Variants in AFF3 observed in about 807,000 individuals in gnomAD.
AFF3 encodes the protein AF4/FMR2 family member 3.
In AFF3, 32 loss-of-function variants were observed where a neutral mutation model predicts 129.7. That is an observed-to-expected ratio of 0.25 (90% confidence interval 0.19 to 0.33). AFF3 has a LOEUF of 0.33. Among genes scored for constraint, AFF3 ranks in the 10% least tolerant of loss-of-function variants. The pLI is 1.00. For synonymous variants in AFF3, 644 were observed against 635.4 expected, an observed-to-expected ratio of 1.01 and a Z score of -0.20; for missense variants, 1,373 against 1,592.0, an observed-to-expected ratio of 0.86 and a Z score of 2.34.
At chr2:99,767,816 G>A (rs1683149079) in intron 8 of AFF3, among the ~76,000 whole-genome samples, 1 of 152,280 alleles carries the variant, frequency 6.6e-6, no homozygotes, top group African/African-American at 2.4e-5. Flanking sequence ...GCGGTGGCAG[G>A]CACCTGTAGT....
chr2:99,982,429 G>A (rs10172723), intron 7 of AFF3, among the ~76,000 whole-genome samples: 7,895 of 152,226 alleles, frequency 0.052, 687 homozygotes, highest in African/African-American at 0.18. Flanking sequence ...CCAGCCATGC[G>A]GACCTGTAAG....
At chr2:99,896,716 A>T in intron 7 of AFF3, among the ~76,000 whole-genome samples, 1 of 120,064 alleles carries the variant, frequency 8.3e-6, no homozygotes, top group African/African-American at 3.3e-5. Context: ...GCTCACTGTG[A>T]CCTCCACCTC....
intron 7 of AFF3, among the ~76,000 whole-genome samples, chr2:99,858,988 C>T (rs1053362744): frequency 6.6e-6 from 1 of 152,194 alleles, no homozygotes; most frequent in Admixed American, 6.5e-5. Flanking sequence ...GATACACCTG[C>T]TTTATAAACA....
intron 8 of AFF3, among the ~76,000 whole-genome samples, chr2:99,769,617 CT>C (rs1249293538): frequency 6.6e-6 from 1 of 152,152 alleles, no homozygotes; most frequent in Non-Finnish European, 1.5e-5. Context: ...GCAGTCTGGG[CT>C]TGTTTGTAGC....
chr2:99,948,861 T>C (rs1675889054), intron 7 of AFF3, among the ~76,000 whole-genome samples: 2 of 152,156 alleles, frequency 1.3e-5, no homozygotes, highest in Non-Finnish European at 2.9e-5. Context: ...ATTACAGCAA[T>C]ATGAATACTG....
At chr2:99,733,008 T>C (rs899767725) in intron 10 of AFF3, among the ~76,000 whole-genome samples, 1 of 152,224 alleles carries the variant, frequency 6.6e-6, no homozygotes, top group African/African-American at 2.4e-5. Context: ...TAATTTCTTA[T>C]TCATAGAAAC....
At chr2:99,800,309 T>C (rs1685845955) in intron 8 of AFF3, among the ~76,000 whole-genome samples, 1 of 152,156 alleles carries the variant, frequency 6.6e-6, no homozygotes, top group Non-Finnish European at 1.5e-5. Flanking sequence ...AAAATAAGTG[T>C]ATGAAAAGAT....
intron 8 of AFF3, among the ~76,000 whole-genome samples, chr2:99,768,005 A>C (rs1345961116): frequency 6.6e-6 from 1 of 152,220 alleles, no homozygotes; most frequent in African/African-American, 2.4e-5. Flanking sequence ...AGCCACATGC[A>C]GGGCTCAGGG....
At chr2:100,012,447 G>C (rs939965223) in intron 4 of AFF3, among the ~76,000 whole-genome samples, 17 of 152,278 alleles carry the variant, frequency 1.1e-4, no homozygotes, top group Non-Finnish European at 2.4e-4. Context: ...TAAAGCAGAT[G>C]TCACTGTAAG....
At chr2:99,650,648 T>C (rs938657731) in intron 12 of AFF3, among the ~76,000 whole-genome samples, 12 of 152,038 alleles carry the variant, frequency 7.9e-5, no homozygotes, top group African/African-American at 2.7e-4. Flanking sequence ...AAGATGGCCT[T>C]GGGCTGAGAA....
At chr2:99,695,232 G>C (rs1023428420) in intron 11 of AFF3, among the ~76,000 whole-genome samples, 1 of 152,114 alleles carries the variant, frequency 6.6e-6, no homozygotes, top group Non-Finnish European at 1.5e-5. Context: ...TGACAGCCGC[G>C]TGTGCCTGGT....
At chr2:99,728,370 G>T (rs796201030) in intron 10 of AFF3, among the ~76,000 whole-genome samples, 13 of 152,280 alleles carry the variant, frequency 8.5e-5, no homozygotes, top group African/African-American at 2.9e-4. Flanking sequence ...CAGGCCTGGA[G>T]ATCTCTAGAA....
At chr2:100,104,860 C>T (rs1398158628) in intron 3 of AFF3, 1 of 468,392 alleles carries the variant, frequency 2.1e-6, no homozygotes, top group African/African-American at 2.2e-5. Flanking sequence ...TCTTTCTCCT[C>T]CGGGAGGCGC....
intron 11 of AFF3, among the ~76,000 whole-genome samples, chr2:99,700,491 T>A (rs1351571717): frequency 1.3e-5 from 2 of 152,230 alleles, no homozygotes; most frequent in Non-Finnish European, 2.9e-5. Flanking sequence ...TTATTTGAGG[T>A]AAAGGCTTTC....
At chr2:99,957,464 G>C (rs577545258) in intron 7 of AFF3, among the ~76,000 whole-genome samples, 25 of 152,238 alleles carry the variant, frequency 1.6e-4, no homozygotes, top group Admixed American at 9.2e-4. Flanking sequence ...GCTGTGGAAG[G>C]GGGAGAAAAC....
At position 99,601,413 on chromosome 2, in the gene AFF3, G is replaced by C. The variant is rs539774741; in HGVS notation, c.1371+22C>G. On this transcript the variant is annotated intron_variant, in intron 14 of 24. Transcript: ENST00000672756. Reference sequence around the variant, plus strand: ...AGAGACAGAAGTGGGCAGAGGAGAGGCCTGAGCCAGGCAGCGCTTACCTCG... The same window carrying C: ...AGAGACAGAAGTGGGCAGAGGAGAGCCCTGAGCCAGGCAGCGCTTACCTCG... 5.1e-6 allele frequency: 8 copies of C among 1,577,544 alleles called. No homozygotes were observed. The African/African-American group carries it at 8.0e-5, about 16-fold the overall frequency.
chr2:100,063,873 T>C (rs1355646030), intron 4 of AFF3, among the ~76,000 whole-genome samples: 1 of 152,054 alleles, frequency 6.6e-6, no homozygotes, highest in Non-Finnish European at 1.5e-5. Context: ...GTGGATCACC[T>C]GAGGTCAGGA....
chr2:99,783,947 T>G (rs1374184660), intron 8 of AFF3, among the ~76,000 whole-genome samples: 1 of 152,236 alleles, frequency 6.6e-6, no homozygotes, highest in Non-Finnish European at 1.5e-5. Flanking sequence ...CAATTATATA[T>G]TGCCCGTTGC....
At chr2:99,916,433 C>T (rs915020965) in intron 7 of AFF3, among the ~76,000 whole-genome samples, 1 of 152,108 alleles carries the variant, frequency 6.6e-6, no homozygotes, top group African/African-American at 2.4e-5. Flanking sequence ...CTACATGCCT[C>T]GCCTCCTGCC....
Sources: allele counts gnomAD v4.1 joint callset (sites outside exome capture counted in the v4.1 genomes callset), GRCh38; gene constraint gnomAD v4.1.1; transcripts MANE v1.5; gene names NCBI Gene and HGNC (gene_info 2026-07-23, HGNC 2026-07-21).